The following SIDT1 variants were observed in gnomAD, a reference collection of about 807,000 sequenced individuals.
SIDT1 encodes the protein SID1 transmembrane family member 1.
SIDT1 carries 101 observed loss-of-function variants against 107.5 expected under a neutral mutation model. The ratio of observed to expected loss-of-function variants is 0.94; its 90% CI spans 0.80 to 1.11. SIDT1 has a LOEUF of 1.11. Among genes scored for constraint, SIDT1 ranks in the 50% least tolerant of loss-of-function variants. The probability of loss-of-function intolerance (pLI) is 0.00; values close to 1 mark genes in which losing one functional copy is unlikely to be tolerated. For missense variants in SIDT1, 1,076 were observed against 1,058.2 expected, an observed-to-expected ratio of 1.02 and a Z score of -0.23; for synonymous variants, 395 against 398.2, an observed-to-expected ratio of 0.99 and a Z score of 0.10.
At chr3:113,582,480 T>G (rs1463317123) in intron 6 of SIDT1, among the ~76,000 whole-genome samples, 1 of 152,222 alleles carries the variant, frequency 6.6e-6, no homozygotes, top group African/African-American at 2.4e-5. Flanking sequence ...TATTTCTTTC[T>G]TTCTTGGCAT....
intron 23 of SIDT1, among the ~76,000 whole-genome samples, chr3:113,625,145 G>T (rs753946608): frequency 2.0e-5 from 3 of 150,732 alleles, no homozygotes; most frequent in Non-Finnish European, 3.0e-5. Context: ...CTTTTTTTTG[G>T]GGGGGCGGGG....
Position 113,576,778 on chromosome 3 carries a change from G to A in SIDT1, c.516-144G>A, listed in dbSNP as rs1214444581. The A allele has an allele frequency of 3.0e-5, 24 of 791,016 alleles. No homozygotes were observed. The East Asian group carries it at 4.2e-4, about 14-fold the overall frequency. 49.0% of individuals were successfully genotyped at this position (791,016 alleles called of 1,614,324 possible). On this transcript the variant is annotated intron_variant, in intron 3 of 24. Transcript: ENST00000264852. ...ATGCAGTCTACTTTGTCAGTTTCAC[G>A]GAACCGGAACTCCCCTCACCAAGGG...
At chr3:113,598,218 C>T (rs182102439) in intron 10 of SIDT1, among the ~76,000 whole-genome samples, 12 of 152,302 alleles carry the variant, frequency 7.9e-5, no homozygotes, top group Non-Finnish European at 1.0e-4. Flanking sequence ...TGAGCCAGAG[C>T]AGAAAACAGA....
At chr3:113,566,169 T>TC (rs1941883189) in intron 1 of SIDT1, among the ~76,000 whole-genome samples, 1 of 152,226 alleles carries the variant, frequency 6.6e-6, no homozygotes, top group Non-Finnish European at 1.5e-5. Context: ...TAAAAAATTC[T>TC]CCCCACGCAA....
chr3:113,582,400 A>G lies in SIDT1; in HGVS notation c.747+956A>G, dbSNP rs142017258. Among the ~76,000 whole-genome samples the G allele has an allele frequency of 2.5e-3, 386 of 152,232 alleles. 2 individuals are homozygous for G. Among genetic ancestry groups the G allele is most frequent in the African/African-American group, 8.6e-3 (355 of 41,518 alleles). On this transcript the variant is annotated intron_variant, in intron 6 of 24. Coordinates refer to ENST00000264852, the MANE Select transcript of SIDT1 (RefSeq NM_017699.3). ...TTATAATTTAGGTATGAGACCTAAA[A>G]TTTTCTGTCAGGCTTTAATTTTCAA...
chr3:113,555,836 CG>C (rs1560027992), intron 1 of SIDT1, among the ~76,000 whole-genome samples: 2 of 142,608 alleles, frequency 1.4e-5, no homozygotes, highest in African/African-American at 5.2e-5. Flanking sequence ...CTACATAAGA[CG>C]GACTATATAA....
At chr3:113,570,086 A>C (rs537603411) in intron 3 of SIDT1, among the ~76,000 whole-genome samples, 26 of 152,178 alleles carry the variant, frequency 1.7e-4, no homozygotes, top group Non-Finnish European at 2.6e-4. Flanking sequence ...TTGTATTTTT[A>C]GTAGAGACGG....
intron 1 of SIDT1, among the ~76,000 whole-genome samples, chr3:113,560,118 G>T (rs1388631718): frequency 1.3e-5 from 2 of 152,148 alleles, no homozygotes; most frequent in African/African-American, 4.8e-5. Context: ...TCCTCTGTAC[G>T]TGGGATGGTT....
At chr3:113,615,773 C>A (rs1946060104) in intron 19 of SIDT1, among the ~76,000 whole-genome samples, 1 of 152,086 alleles carries the variant, frequency 6.6e-6, no homozygotes, top group African/African-American at 2.4e-5. Flanking sequence ...AAGAAAACAC[C>A]ACTAGAGTAA....
chr3:113,612,062 G>A lies in SIDT1; in HGVS notation c.1858-24G>A, dbSNP rs767559719. 4 of 1,548,780 alleles carry A rather than the reference G, an allele frequency of 2.6e-6. No homozygotes were observed. The East Asian group carries it at 6.7e-5, about 26-fold the overall frequency. The stretch of plus-strand genomic sequence containing the variant: ...TTTTCTAGGGAAAACCTCAGATGAA[G>A]GTAACTTCCATCTTTACTCCTAGGT... On this transcript the variant is annotated intron_variant, in intron 18 of 24. Coordinates refer to ENST00000264852, the MANE Select transcript of SIDT1 (RefSeq NM_017699.3).
chr3:113,592,098 T>A (rs1301124385), intron 9 of SIDT1, among the ~76,000 whole-genome samples: 1 of 152,196 alleles, frequency 6.6e-6, no homozygotes. Flanking sequence ...GGCAAACTTA[T>A]AGAGACAGAA....
At chr3:113,633,303 AGGC>A (rs1947105055), downstream of SIDT1, among the ~76,000 whole-genome samples, 1 of 152,176 alleles carries the variant, frequency 6.6e-6, no homozygotes, top group Non-Finnish European at 1.5e-5. Context: ...TTGAAGAAAT[AGGC>A]TTCTTGCTGA....
At chr3:113,615,110 A>ATTGTTTTTGTATCAAAGTGATCCACC in intron 19 of SIDT1, 1 of 1,534,804 alleles carries the variant, frequency 6.5e-7, no homozygotes, top group Non-Finnish European at 8.7e-7. Flanking sequence ...AGGGGTCTAG[A>ATTGTTTTTGTATCAAAGTGATCCACC]TTGTTTTTGT....
chr3:113,570,733 C>T (rs1258463704), intron 3 of SIDT1, among the ~76,000 whole-genome samples: 5 of 152,178 alleles, frequency 3.3e-5, no homozygotes, highest in Admixed American at 3.3e-4. Context: ...TGGGCTCAGG[C>T]ATTGAGAGAA....
At position 113,625,648 on chromosome 3, in the gene SIDT1, A is replaced by G. The variant is rs544029253; in HGVS notation, c.2308-454A>G. On this transcript the variant is annotated intron_variant, in intron 23 of 24. Coordinates refer to ENST00000264852, the MANE Select transcript of SIDT1 (RefSeq NM_017699.3). ...TTTGATTTGCATTCTCTGATGATCA[A>G]TGATGTTGAGCACCTTTTCATATGC... Among the ~76,000 whole-genome samples, 44 of 152,332 alleles carry G rather than the reference A, an allele frequency of 2.9e-4. 5 individuals carry two copies. The highest frequency in any genetic ancestry group is 1.0e-3 in the African/African-American group (43 of 41,562).
intron 21 of SIDT1, among the ~76,000 whole-genome samples, chr3:113,620,913 C>T (rs573775429): frequency 1.4e-4 from 21 of 152,140 alleles, no homozygotes; most frequent in Non-Finnish European, 2.8e-4. Context: ...ACCACATCCA[C>T]GATCTGCTCA....
At chr3:113,561,167 G>A (rs183380846) in intron 1 of SIDT1, among the ~76,000 whole-genome samples, 14 of 152,172 alleles carry the variant, frequency 9.2e-5, no homozygotes, top group East Asian at 1.9e-4. Context: ...AGCTTTCTTC[G>A]CTGCTGCAAA....
chr3:113,584,848 C>G, intron 8 of SIDT1, 79 bp downstream of exon 8: 2 of 1,007,982 alleles, frequency 2.0e-6, no homozygotes, highest in Non-Finnish European at 3.0e-6. Flanking sequence ...TACTGTCATC[C>G]TTCCAGAGAG....
At chr3:113,557,758 C>G (rs1007415701) in intron 1 of SIDT1, among the ~76,000 whole-genome samples, 1 of 152,168 alleles carries the variant, frequency 6.6e-6, no homozygotes, top group African/African-American at 2.4e-5. Context: ...TTCAAGCCAC[C>G]TACTTTGTGG....
Sources: allele counts gnomAD v4.1 joint callset (sites outside exome capture counted in the v4.1 genomes callset), GRCh38; gene constraint gnomAD v4.1.1; transcripts MANE v1.5; gene names NCBI Gene and HGNC (gene_info 2026-07-23, HGNC 2026-07-21).